The following TAB2 variants were observed in gnomAD, a reference collection of about 807,000 sequenced individuals.
The protein encoded by TAB2 is TGF-beta-activated kinase 1 and MAP3K7-binding protein 2.
TAB2 carries 3 observed loss-of-function variants against 65.0 expected under a neutral mutation model. The observed-to-expected ratio is 0.05, with a 90% CI of 0.02 to 0.12. The LOEUF is 0.12. Ranked by LOEUF, TAB2 falls within the 10% of genes least tolerant of loss-of-function variation. The pLI, the probability that TAB2 is intolerant of heterozygous loss-of-function variation, is 1.00. For missense variants in TAB2, 623 were observed against 840.3 expected, an observed-to-expected ratio of 0.74 and a Z score of 3.20; for synonymous variants, 298 against 285.1, an observed-to-expected ratio of 1.05 and a Z score of -0.46.
At chr6:149,354,199 A>C (rs1375431244) in intron 1 of TAB2, among the ~76,000 whole-genome samples, 1 of 152,192 alleles carries the variant, frequency 6.6e-6, no homozygotes, top group Admixed American at 6.5e-5. Flanking sequence ...TAATTAGTAC[A>C]TCTGTATGCC....
Position 149,289,748 on chromosome 6 carries a change from G to A in TAB2, c.-121+70972G>A, listed in dbSNP as rs146745454. Among the ~76,000 whole-genome samples, 152 of 152,342 alleles carry A rather than the reference G, an allele frequency of 1.0e-3. 1 individual carries two copies. The highest frequency in any genetic ancestry group is 7.8e-3 in the Admixed American group (120 of 15,304). ...CCAATGGCCTGTGACACAACTCTCAGGAGGGCCTGAGAACATGCGCCTAAG... is the reference window on the plus strand; with the variant it reads ...CCAATGGCCTGTGACACAACTCTCAAGAGGGCCTGAGAACATGCGCCTAAG... On this transcript the variant is annotated intron_variant, in intron 1 of 1. Transcript: ENST00000606202.
intron 1 of TAB2, among the ~76,000 whole-genome samples, chr6:149,358,289 A>C (rs1244399174): frequency 6.6e-6 from 1 of 152,200 alleles, no homozygotes; most frequent in Non-Finnish European, 1.5e-5. Flanking sequence ...CTTAATACGC[A>C]TAGCCTGAAG....
chr6:149,272,535 C>T (rs11963750), intron 1 of TAB2, among the ~76,000 whole-genome samples: 2,014 of 152,282 alleles, frequency 0.013, 53 homozygotes, highest in African/African-American at 0.046. Flanking sequence ...AACCTCTGCT[C>T]CTGTTGTCAC....
intron 1 of TAB2, among the ~76,000 whole-genome samples, chr6:149,237,252 AT>A (rs758345045): frequency 1.3e-5 from 2 of 152,146 alleles, no homozygotes; most frequent in Admixed American, 1.3e-4. Flanking sequence ...ACAGAAGTTC[AT>A]TTTTTTCTTC....
chr6:149,386,825 A>T (rs1378289428), intron 3 of TAB2, among the ~76,000 whole-genome samples: 1 of 152,190 alleles, frequency 6.6e-6, no homozygotes, highest in Non-Finnish European at 1.5e-5. Context: ...GCTGCAAAGT[A>T]TTTAATTGTG....
chr6:149,255,571 A>G (rs1362093057), intron 1 of TAB2, among the ~76,000 whole-genome samples: 3 of 152,220 alleles, frequency 2.0e-5, no homozygotes, highest in African/African-American at 7.2e-5. Context: ...ATCTTCTATA[A>G]TTAACATGTT....
At chr6:149,315,831 G>A (rs1779238998), upstream of TAB2, among the ~76,000 whole-genome samples, 1 of 151,950 alleles carries the variant, frequency 6.6e-6, no homozygotes, top group Non-Finnish European at 1.5e-5. Flanking sequence ...TTTGTTATAT[G>A]TACCTTCTTT....
At chr6:149,385,952 A>G (rs976493582) in intron 3 of TAB2, among the ~76,000 whole-genome samples, 3 of 152,168 alleles carry the variant, frequency 2.0e-5, no homozygotes, top group Non-Finnish European at 4.4e-5. Context: ...CTTTTCCCTT[A>G]TTTAACTGTG....
intron 1 of TAB2, among the ~76,000 whole-genome samples, chr6:149,252,512 T>A (rs190574045): frequency 5.5e-4 from 84 of 152,288 alleles, no homozygotes; most frequent in South Asian, 1.2e-3. Context: ...GATTGAGTCA[T>A]TAGCATTAAT....
At chr6:149,273,020 C>A (rs1364067314) in intron 1 of TAB2, among the ~76,000 whole-genome samples, 1 of 152,088 alleles carries the variant, frequency 6.6e-6, no homozygotes, top group East Asian at 1.9e-4. Flanking sequence ...ACCCCCACCC[C>A]CTTACCTCCC....
At chr6:149,403,257 T>TATACACAC (rs1782515476) in intron 6 of TAB2, among the ~76,000 whole-genome samples, 1 of 35,880 alleles carries the variant, frequency 2.8e-5, no homozygotes, top group African/African-American at 1.7e-4. Flanking sequence ...AATATATATA[T>TATACACAC]ATATATATAT....
chr6:149,397,834 A>C, intron 4 of TAB2, 70 bp downstream of exon 4: 2 of 1,591,708 alleles, frequency 1.3e-6, no homozygotes, highest in Non-Finnish European at 1.7e-6. Flanking sequence ...TAAGTGTAAT[A>C]TCTCTATCTA....
chr6:149,284,264 A>G (rs1198117214), intron 1 of TAB2, among the ~76,000 whole-genome samples: 1 of 152,054 alleles, frequency 6.6e-6, no homozygotes, highest in Non-Finnish European at 1.5e-5. Flanking sequence ...CCTCTTGCCA[A>G]CCTCTACCCG....
intron 1 of TAB2, among the ~76,000 whole-genome samples, chr6:149,227,112 A>G (rs1035474697): frequency 6.6e-6 from 1 of 152,208 alleles, no homozygotes; most frequent in Non-Finnish European, 1.5e-5. Context: ...CATACATATT[A>G]CTAAAAGAAA....
At chr6:149,402,853 C>G (rs558737198) in intron 6 of TAB2, among the ~76,000 whole-genome samples, 1 of 152,268 alleles carries the variant, frequency 6.6e-6, no homozygotes, top group African/African-American at 2.4e-5. Context: ...ATACAGCACA[C>G]ACATTGAAGT....
At chr6:149,406,532 C>T (rs1782670035) in intron 6 of TAB2, among the ~76,000 whole-genome samples, 2 of 152,154 alleles carry the variant, frequency 1.3e-5, no homozygotes, top group African/African-American at 2.4e-5. Flanking sequence ...AACAGTGACC[C>T]ATGGACCAAA....
chr6:149,300,790 G>A (rs557528283), intron 1 of TAB2, among the ~76,000 whole-genome samples: 1 of 152,258 alleles, frequency 6.6e-6, no homozygotes, highest in African/African-American at 2.4e-5. Flanking sequence ...GAGCACTGGG[G>A]GGGTGAAAGG....
chr6:149,401,643 G>A (rs545003311), intron 6 of TAB2, among the ~76,000 whole-genome samples: 11 of 152,068 alleles, frequency 7.2e-5, no homozygotes, highest in African/African-American at 2.7e-4. Flanking sequence ...GAATATCCAG[G>A]CAGAAAATGA....
intron 1 of TAB2, chr6:149,247,852 T>C (rs1268177644): frequency 1.3e-5 from 2 of 152,140 alleles, no homozygotes; most frequent in African/African-American, 4.8e-5. Context: ...TTTTAAGAAA[T>C]GAGCATCTTA....
Sources: gnomAD v4.1 joint callset for allele counts (sites outside exome capture counted in the v4.1 genomes callset) on GRCh38, gnomAD v4.1.1 for gene constraint, MANE v1.5 for transcripts, NCBI Gene and HGNC (gene_info 2026-07-23, HGNC 2026-07-21) for gene names.